The following PCDHA2 variants were observed in gnomAD, a reference collection of about 807,000 sequenced individuals.
The protein encoded by PCDHA2 is protocadherin alpha 2, also known as protocadherin alpha-2.
Under a neutral mutation model 66.0 loss-of-function variants are expected in PCDHA2, and 58 were observed. The observed-to-expected ratio is 0.88, with a 90% CI of 0.71 to 1.09. The LOEUF (loss-of-function observed/expected upper bound fraction) is 1.09, where lower values mean the gene tolerates loss of function less well. Among genes scored for constraint, PCDHA2 ranks in the 50% least tolerant of loss-of-function variants. The pLI is 0.00. For missense variants in PCDHA2, 1,267 were observed against 1,242.3 expected, an observed-to-expected ratio of 1.02 and a Z score of -0.30; for synonymous variants, 634 against 554.0, an observed-to-expected ratio of 1.14 and a Z score of -2.03.
intron 1 of PCDHA2, chr5:140,829,481 G>C: frequency 6.2e-6 from 10 of 1,613,786 alleles, no homozygotes; most frequent in Middle Eastern, 1.7e-4. Context: ...CACAGTGTTC[G>C]TGAAGGAGAA....
intron 1 of PCDHA2, among the ~76,000 whole-genome samples, chr5:140,833,594 G>T (rs2150209670): frequency 4.6e-5 from 7 of 152,162 alleles, no homozygotes; most frequent in Non-Finnish European, 7.4e-5. Context: ...AGTATATATA[G>T]ATTCTGCTAA....
At chr5:140,863,357 G>GCCAAGCACCGCAGC in intron 1 of PCDHA2, 1 of 1,259,532 alleles carries the variant, frequency 7.9e-7, no homozygotes, top group Non-Finnish European at 1.1e-6. Flanking sequence ...ACGACGCTGC[G>GCCAAGCACCGCAGC]GTGCTTGGCG....
At chr5:140,821,587 C>T in intron 1 of PCDHA2, 1 of 647,978 alleles carries the variant, frequency 1.5e-6, no homozygotes, top group Non-Finnish European at 2.4e-6. Context: ...TTTCTCCCTT[C>T]CCAGCCTCAA....
intron 3 of PCDHA2, among the ~76,000 whole-genome samples, chr5:140,988,304 C>T (rs1554250029): frequency 6.6e-6 from 1 of 152,308 alleles, no homozygotes; most frequent in African/African-American, 2.4e-5. Flanking sequence ...GGAGTGCCAG[C>T]TTGGCTTGGC....
At chr5:140,976,691 C>G (rs1219355793) in intron 1 of PCDHA2, among the ~76,000 whole-genome samples, 1 of 152,126 alleles carries the variant, frequency 6.6e-6, no homozygotes. Context: ...AATTTAAGTA[C>G]AATAATGTTG....
In PCDHA2 at chr5:140,812,400, C is replaced by A. The variant is rs190903365; in HGVS notation, c.2388+15048C>A. 7 of 151,904 alleles carry A rather than the reference C, an allele frequency of 4.6e-5. No homozygotes were observed. The East Asian group carries it at 1.4e-3, about 29-fold the overall frequency. 9.4% of individuals were successfully genotyped at this position (151,904 alleles called of 1,614,324 possible). On this transcript the variant is annotated intron_variant, in intron 1 of 3. Transcript: ENST00000526136. ...TTTTTTTCTTAGTCTAGCTAAGGGG[C>A]TTGTCAGTTTTGTTGTTTTTTCAAA...
At chr5:140,830,591 CA>C (rs1263490069) in intron 1 of PCDHA2, 1 of 718,270 alleles carries the variant, frequency 1.4e-6, no homozygotes, top group Non-Finnish European at 2.0e-6. Flanking sequence ...ATTAATTTTA[CA>C]AAATTACATA....
At chr5:140,890,356 T>C (rs139351817) in intron 1 of PCDHA2, among the ~76,000 whole-genome samples, 50 of 152,308 alleles carry the variant, frequency 3.3e-4, no homozygotes, top group African/African-American at 1.2e-3. Context: ...TATATAGCAA[T>C]GGATAACCTG....
At position 140,796,256 on chromosome 5, in the gene PCDHA2, G is replaced by T; in HGVS notation, c.1292G>T (p.Gly431Val). The change falls in exon 1 of 4, where the codon GGC becomes GTC. Residue 431 changes from glycine (G) to valine (V), a missense_variant. By Grantham distance (109) the Gly-to-Val change is moderately radical. Coordinates refer to ENST00000526136, the MANE Select transcript of PCDHA2 (RefSeq NM_018905.3). Reference sequence around the variant, plus strand: ...CTGGTGGTGACCGCACGGGACGGGGGCTCGCCTTCACTGTGGGCCACCACC... The same window carrying T: ...CTGGTGGTGACCGCACGGGACGGGGTCTCGCCTTCACTGTGGGCCACCACC... ...YELVVTARDG[G>V]SPSLWATTSV... 1 of 1,614,120 alleles carries T rather than the reference G, an allele frequency of 6.2e-7. No individual in the cohort carries two copies. The highest frequency in any genetic ancestry group is 1.1e-5 in the South Asian group (1 of 91,086).
chr5:140,850,095 C>T lies in PCDHA2; in HGVS notation c.2388+52743C>T, dbSNP rs139719626. 631 of 1,596,304 alleles carry T rather than the reference C, an allele frequency of 4.0e-4. 37 individuals are homozygous for T. In the African/African-American group the frequency reaches 7.2e-3, roughly 18 times the overall value. On this transcript the variant is annotated intron_variant, in intron 1 of 3. Transcript: ENST00000526136. ...CGAGGAGCTGGAGCTGCTACAGTTC[C>T]AGGTGAGCGCGCGCGACGCGGGCGT...
At chr5:140,843,932 T>A (rs1404352255) in intron 1 of PCDHA2, 1 of 583,528 alleles carries the variant, frequency 1.7e-6, no homozygotes, top group Admixed American at 3.5e-5. Flanking sequence ...ACTCAAGTTA[T>A]GGTTGGATGA....
intron 1 of PCDHA2, chr5:140,835,444 C>T (rs1773641752): frequency 6.2e-7 from 1 of 1,613,922 alleles, no homozygotes; most frequent in Non-Finnish European, 8.5e-7. Context: ...ACTCTCACTT[C>T]CCTGTCTCTC....
chr5:140,795,016 C>T lies in PCDHA2; in HGVS notation c.52C>T (p.Leu18Phe). The change falls in exon 1 of 4, where the codon CTT becomes TTT. Residue 18 changes from leucine (L) to phenylalanine (F), a missense_variant. Transcript: ENST00000526136. ...AGGGGCCTGGACACGGCTGCTCTCG[C>T]TTCTGCTCCTCGCAGCCTGGGAGGT... Reference protein sequence around the residue: ...GRGAWTRLLSLLLLAAWEVGS... With the variant: ...GRGAWTRLLSFLLLAAWEVGS... The T allele has an allele frequency of 6.2e-7, 1 of 1,613,802 alleles. No homozygotes were observed.
chr5:140,991,875 G>A (rs2097477734), intron 3 of PCDHA2, among the ~76,000 whole-genome samples: 1 of 152,092 alleles, frequency 6.6e-6, no homozygotes, highest in South Asian at 2.1e-4. Context: ...AGTTTCCTAG[G>A]GCTGCCATAA....
At chr5:140,873,221 G>A (rs2054166323) in intron 1 of PCDHA2, among the ~76,000 whole-genome samples, 1 of 151,940 alleles carries the variant, frequency 6.6e-6, no homozygotes, top group African/African-American at 2.4e-5. Context: ...TTAAAGAGAA[G>A]GCAACAATAT....
At chr5:140,870,543 CGCGGACGCGCAG>C in intron 1 of PCDHA2, 1 of 1,614,114 alleles carries the variant, frequency 6.2e-7, no homozygotes, top group Non-Finnish European at 8.5e-7. Context: ...CGGCGCGGGA[CGCGGACGCGCAG>C]GAGAACGCGC....
Position 140,795,238 on chromosome 5 carries a change from C to A in PCDHA2, c.274C>A (p.Arg92=), listed in dbSNP as rs1554119319. 1.2e-6 allele frequency: 2 copies of A among 1,614,154 alleles called. No individual in the cohort carries two copies. The highest frequency in any genetic ancestry group is 1.7e-5 in the Admixed American group (1 of 60,016). ...GILFVNSRID[R]EELCGRSAEC... ...TTTGTTTGTGAATTCTCGGATCGAC[C>A]GGGAGGAGCTGTGCGGGCGGAGCGC... is the stretch of plus-strand genomic sequence containing the variant. The change falls in exon 1 of 4, where the codon CGG becomes AGG. Residue 92 remains arginine, a synonymous_variant. Transcript: ENST00000526136.
intron 1 of PCDHA2, chr5:140,857,485 G>C (rs1554150101): frequency 6.3e-7 from 1 of 1,598,368 alleles, no homozygotes; most frequent in Non-Finnish European, 8.6e-7. Context: ...TGTCTGCGTG[G>C]GACGCGGACG....
chr5:140,918,502 C>A (rs1480204800), intron 1 of PCDHA2, among the ~76,000 whole-genome samples: 1 of 152,040 alleles, frequency 6.6e-6, no homozygotes, highest in Non-Finnish European at 1.5e-5. Context: ...TGGTACCAAT[C>A]CTTTTAAACT....
Sources: allele counts gnomAD v4.1 joint callset (sites outside exome capture counted in the v4.1 genomes callset), GRCh38; gene constraint gnomAD v4.1.1; transcripts MANE v1.5; gene names NCBI Gene and HGNC (gene_info 2026-07-23, HGNC 2026-07-21).